EBF1: variants seen among roughly 807,000 people sequenced by gnomAD.
EBF1 encodes the protein EBF transcription factor 1.
Under a neutral mutation model 68.4 loss-of-function variants are expected in EBF1, and 10 were observed. That is an observed-to-expected ratio of 0.15 (90% CI 0.09 to 0.25). The LOEUF is 0.25. EBF1 is among the 10% of genes least tolerant of loss of function. EBF1 has a pLI of 1.00. For synonymous variants in EBF1, 298 were observed against 299.8 expected (o/e 0.99, Z 0.06); for missense variants, 509 against 794.4 (o/e 0.64, Z 4.32).
At chr5:158,909,943 G>A (rs113124428) in intron 6 of EBF1, among the ~76,000 whole-genome samples, 7,054 of 104,220 alleles carry the variant, frequency 0.068, 275 homozygotes, top group Admixed American at 0.098. Context: ...GTGACAGAAC[G>A]AGACTCTGTC....
intron 6 of EBF1, among the ~76,000 whole-genome samples, chr5:158,982,745 C>T (rs1018854571): frequency 2.6e-5 from 4 of 151,470 alleles, no homozygotes; most frequent in East Asian, 1.9e-4. Flanking sequence ...CCCTTGATTC[C>T]GAGAATATAA....
chr5:158,780,779 G>A (rs1285314574), intron 9 of EBF1, among the ~76,000 whole-genome samples: 1 of 152,060 alleles, frequency 6.6e-6, no homozygotes, highest in East Asian at 1.9e-4. Flanking sequence ...GAAACAAAAG[G>A]AGTGATGAAA....
At chr5:158,750,590 A>C (rs981746718) in intron 10 of EBF1, among the ~76,000 whole-genome samples, 2 of 152,126 alleles carry the variant, frequency 1.3e-5, no homozygotes, top group African/African-American at 4.8e-5. Flanking sequence ...CAAGAGCTTT[A>C]ATATTCTCAC....
chr5:158,994,525 G>A (rs1241404356), intron 6 of EBF1, among the ~76,000 whole-genome samples: 1 of 152,176 alleles, frequency 6.6e-6, no homozygotes, highest in African/African-American at 2.4e-5. Context: ...ATCTACTAAT[G>A]ACAACTCTGG....
chr5:159,089,298 A>G (rs922811375), intron 4 of EBF1, among the ~76,000 whole-genome samples: 32 of 152,326 alleles, frequency 2.1e-4, no homozygotes, highest in African/African-American at 7.5e-4. Flanking sequence ...TGAATAAAAT[A>G]TCATCAATTC....
intron 6 of EBF1, among the ~76,000 whole-genome samples, chr5:158,884,156 C>T (rs942401319): frequency 1.3e-5 from 2 of 152,144 alleles, no homozygotes; most frequent in South Asian, 4.1e-4. Context: ...TTTTCAGAGA[C>T]TTATTTTGGT....
chr5:159,059,791 A>G (rs1775465499), intron 6 of EBF1, among the ~76,000 whole-genome samples: 1 of 152,242 alleles, frequency 6.6e-6, no homozygotes, highest in Non-Finnish European at 1.5e-5. Context: ...CTAAATTAGC[A>G]TCAAATGCAA....
chr5:158,832,780 T>C (rs1422716490), intron 7 of EBF1, among the ~76,000 whole-genome samples: 3 of 152,162 alleles, frequency 2.0e-5, no homozygotes, highest in Non-Finnish European at 4.4e-5. Flanking sequence ...ACAGCAAAGA[T>C]TCTCCAAAAT....
intron 7 of EBF1, among the ~76,000 whole-genome samples, chr5:158,836,712 T>C (rs901611095): frequency 2.0e-5 from 3 of 152,160 alleles, no homozygotes; most frequent in African/African-American, 7.2e-5. Context: ...AAAAATAAAA[T>C]GTGACAGTGT....
chr5:158,982,767 T>C (rs1403429012), intron 6 of EBF1, among the ~76,000 whole-genome samples: 2 of 147,754 alleles, frequency 1.4e-5, no homozygotes, highest in African/African-American at 4.9e-5. Flanking sequence ...CCTGTTGGTA[T>C]TTAAAGCAAA....
intron 6 of EBF1, among the ~76,000 whole-genome samples, chr5:158,849,116 A>T (rs188438988): frequency 3.5e-4 from 54 of 152,346 alleles, no homozygotes; most frequent in African/African-American, 1.3e-3. Context: ...TTTACATTCA[A>T]ATTCCCAGGA....
chr5:158,983,897 A>AGAGTGTGTGTGT (rs781346130), intron 6 of EBF1: 48 of 140,076 alleles, frequency 3.4e-4, no homozygotes, highest in Admixed American at 5.8e-4. Context: ...CAACTGTAAG[A>AGAGTGTGTGTGT]GTGTGTGTGT....
chr5:158,965,261 C>G (rs549264491), intron 6 of EBF1, among the ~76,000 whole-genome samples: 1 of 152,274 alleles, frequency 6.6e-6, no homozygotes, highest in East Asian at 1.9e-4. Flanking sequence ...CATAAAAGCT[C>G]TTAGGTGGAG....
chr5:158,944,882 T>A (rs1451145631), intron 6 of EBF1, among the ~76,000 whole-genome samples: 1 of 152,258 alleles, frequency 6.6e-6, no homozygotes, highest in African/African-American at 2.4e-5. Flanking sequence ...GAAAAATGAC[T>A]GTTCATTTCC....
At chr5:158,788,960 A>G (rs922884117) in intron 9 of EBF1, among the ~76,000 whole-genome samples, 5 of 152,256 alleles carry the variant, frequency 3.3e-5, no homozygotes, top group South Asian at 2.1e-4. Context: ...CTATGTAACT[A>G]TATTAAAAAG....
intron 8 of EBF1, among the ~76,000 whole-genome samples, chr5:158,804,362 C>G (rs777074541): frequency 4.5e-4 from 69 of 151,982 alleles, no homozygotes; most frequent in Non-Finnish European, 7.4e-4. Context: ...TATTTTGCAG[C>G]TTTCTTATTT....
At chr5:159,060,636 C>T (rs558613869) in intron 6 of EBF1, among the ~76,000 whole-genome samples, 40 of 152,162 alleles carry the variant, frequency 2.6e-4, no homozygotes, top group Non-Finnish European at 4.6e-4. Context: ...GTACTCTCCT[C>T]ATTTCAAATT....
chr5:158,803,084 A>G (rs777942008), intron 8 of EBF1, among the ~76,000 whole-genome samples: 6 of 152,108 alleles, frequency 3.9e-5, no homozygotes, highest in Non-Finnish European at 8.8e-5. Flanking sequence ...TTAATGGGAA[A>G]CTTTTCAGAA....
At chr5:158,816,742 A>T (rs1441387340) in intron 8 of EBF1, among the ~76,000 whole-genome samples, 1 of 152,000 alleles carries the variant, frequency 6.6e-6, no homozygotes, top group Non-Finnish European at 1.5e-5. Flanking sequence ...CAAAAGGTAC[A>T]CTCTTTCTAA....
Sources: gnomAD v4.1 joint callset for allele counts (sites outside exome capture counted in the v4.1 genomes callset) on GRCh38, gnomAD v4.1.1 for gene constraint, MANE v1.5 for transcripts, NCBI Gene and HGNC (gene_info 2026-07-23, HGNC 2026-07-21) for gene names.